Variants in PRIM2 observed in about 807,000 individuals in gnomAD.
PRIM2 encodes the protein DNA primase large subunit.
In PRIM2, 39 loss-of-function variants were observed where a neutral mutation model predicts 67.3. The observed-to-expected ratio is 0.58, with a 90% CI of 0.45 to 0.76. PRIM2 has a LOEUF of 0.76. PRIM2 is among the 30% of genes least tolerant of loss of function. The pLI is 0.00. For synonymous variants in PRIM2, 143 were observed against 198.7 expected, an observed-to-expected ratio of 0.72 and a Z score of 2.36; for missense variants, 398 against 598.7, an observed-to-expected ratio of 0.66 and a Z score of 3.50.
chr6:57,403,325 C>T (rs1424452628), intron 7 of PRIM2, among the ~76,000 whole-genome samples: 3 of 147,730 alleles, frequency 2.0e-5, no homozygotes, highest in South Asian at 2.1e-4. Flanking sequence ...GGCGCGAACT[C>T]GGCTCACTGC....
the PRIM2 span, among the ~76,000 whole-genome samples, chr6:57,235,778 G>T: frequency 1.3e-5 from 2 of 152,278 alleles, no homozygotes; most frequent in Non-Finnish European, 2.9e-5. Context: ...GAGGGTCAGA[G>T]CCAAAAAAGT....
chr6:57,339,119 A>G (rs1487000620), intron 5 of PRIM2, among the ~76,000 whole-genome samples: 1 of 151,974 alleles, frequency 6.6e-6, no homozygotes, highest in Non-Finnish European at 1.5e-5. Context: ...CTTCAAAGAG[A>G]ATAAAATACC....
intron 5 of PRIM2, 54 bp from the exon 6 acceptor site, chr6:57,379,847 G>A (rs1769891836): frequency 6.8e-7 from 1 of 1,476,916 alleles, no homozygotes; most frequent in African/African-American, 1.4e-5. Flanking sequence ...TCATTTTATT[G>A]AAACTGAATG....
chr6:57,573,885 A>G (rs2127482422), intron 10 of PRIM2, among the ~76,000 whole-genome samples: 1 of 152,304 alleles, frequency 6.6e-6, no homozygotes, highest in East Asian at 1.9e-4. Flanking sequence ...ATTGAACTTC[A>G]GGACTTTTGA....
At chr6:57,458,462 T>C (rs113211734) in intron 7 of PRIM2, among the ~76,000 whole-genome samples, 1 of 152,048 alleles carries the variant, frequency 6.6e-6, no homozygotes, top group African/African-American at 2.4e-5. Flanking sequence ...GGTGGGCAGA[T>C]CACCTGAGGT....
At chr6:57,336,955 C>G (rs1292892203) in intron 5 of PRIM2, among the ~76,000 whole-genome samples, 106 of 147,636 alleles carry the variant, frequency 7.2e-4, no homozygotes, top group South Asian at 1.7e-3. Flanking sequence ...GTGCTGTATT[C>G]AGGAAACCCA....
At chr6:57,449,203 A>G (rs1391783001) in intron 7 of PRIM2, among the ~76,000 whole-genome samples, 2 of 152,180 alleles carry the variant, frequency 1.3e-5, no homozygotes, top group South Asian at 2.1e-4. Flanking sequence ...AAGGGTTGCT[A>G]TACATGTAAA....
intron 7 of PRIM2, among the ~76,000 whole-genome samples, chr6:57,409,777 C>A (rs1418035260): frequency 3.1e-5 from 3 of 97,464 alleles, no homozygotes; most frequent in Non-Finnish European, 4.9e-5. Context: ...TTAACAATGT[C>A]TTTTGAAGAG....
At chr6:57,502,484 G>C (rs1774154408) in intron 7 of PRIM2, among the ~76,000 whole-genome samples, 1 of 152,166 alleles carries the variant, frequency 6.6e-6, no homozygotes, top group Admixed American at 6.6e-5. Context: ...TCCACCTTTG[G>C]ATCATGCTAA....
chr6:57,509,402 C>T (rs1402875956), intron 8 of PRIM2, among the ~76,000 whole-genome samples: 2 of 152,210 alleles, frequency 1.3e-5, no homozygotes, highest in Non-Finnish European at 1.5e-5. Context: ...CCGCATTCAA[C>T]TCTGTTGGCA....
At chr6:57,353,805 A>G (rs563852874) in intron 5 of PRIM2, among the ~76,000 whole-genome samples, 1 of 152,224 alleles carries the variant, frequency 6.6e-6, no homozygotes, top group Non-Finnish European at 1.5e-5. Context: ...AATGGTATAT[A>G]TTTCTTCCAC....
At chr6:57,352,738 T>C (rs894263956) in intron 5 of PRIM2, among the ~76,000 whole-genome samples, 4 of 150,702 alleles carry the variant, frequency 2.7e-5, no homozygotes, top group African/African-American at 9.7e-5. Context: ...AGTTTTTTTT[T>C]CTCTGACACA....
intron 7 of PRIM2, among the ~76,000 whole-genome samples, chr6:57,502,792 T>C (rs1554346994): frequency 6.6e-6 from 1 of 152,198 alleles, no homozygotes; most frequent in African/African-American, 2.4e-5. Flanking sequence ...CCTTTTTCAG[T>C]TGACAATCCA....
intron 12 of PRIM2, among the ~76,000 whole-genome samples, chr6:57,624,473 A>C (rs1776911686): frequency 6.6e-6 from 1 of 152,250 alleles, no homozygotes; most frequent in Non-Finnish European, 1.5e-5. Flanking sequence ...TAACTATTAT[A>C]AAGTATGCTA....
At chr6:57,456,088 T>G (rs980029565) in intron 7 of PRIM2, among the ~76,000 whole-genome samples, 8 of 152,208 alleles carry the variant, frequency 5.3e-5, no homozygotes, top group South Asian at 2.1e-4. Context: ...GAAAATTCTT[T>G]TCTTTAAGAA....
At chr6:57,417,479 T>A (rs1771304360) in intron 7 of PRIM2, among the ~76,000 whole-genome samples, 1 of 152,218 alleles carries the variant, frequency 6.6e-6, no homozygotes, top group Admixed American at 6.5e-5. Flanking sequence ...TTCACGTCAA[T>A]ACTTAAAGGC....
chr6:57,475,569 T>C (rs1311414457), intron 7 of PRIM2, among the ~76,000 whole-genome samples: 122 of 152,356 alleles, frequency 8.0e-4, no homozygotes, highest in African/African-American at 2.9e-3. Context: ...TTTCATCGTG[T>C]GCATATACCA....
chr6:57,617,874 T>G (rs1342052291), intron 12 of PRIM2, among the ~76,000 whole-genome samples: 3 of 152,226 alleles, frequency 2.0e-5, no homozygotes, highest in Non-Finnish European at 4.4e-5. Flanking sequence ...TAGCTCTAGC[T>G]TTTATATTTA....
chr6:57,315,527 A>G (rs1767464575), upstream of PRIM2, among the ~76,000 whole-genome samples: 1 of 152,208 alleles, frequency 6.6e-6, no homozygotes. Flanking sequence ...AAAATCCTTG[A>G]CAATTTTGCA....
Sources: gnomAD v4.1 joint callset for allele counts (sites outside exome capture counted in the v4.1 genomes callset) on GRCh38, gnomAD v4.1.1 for gene constraint, MANE v1.5 for transcripts, NCBI Gene and HGNC (gene_info 2026-07-23, HGNC 2026-07-21) for gene names.